GRIK2: variants seen among roughly 807,000 people sequenced by gnomAD.
GRIK2 encodes glutamate ionotropic receptor kainate type subunit 2.
A neutral mutation model predicts 100.3 loss-of-function variants in GRIK2; 32 were observed. The observed-to-expected ratio is 0.32, with a 90% CI of 0.24 to 0.43. GRIK2 has a LOEUF of 0.43. Among genes scored for constraint, GRIK2 ranks in the 20% least tolerant of loss-of-function variants. GRIK2 has a pLI of 1.00. For missense variants in GRIK2, 843 were observed against 1,114.9 expected, an observed-to-expected ratio of 0.76 and a Z score of 3.47; for synonymous variants, 417 against 389.4, an observed-to-expected ratio of 1.07 and a Z score of -0.83.
intron 2 of GRIK2, among the ~76,000 whole-genome samples, chr6:101,604,288 ATATAT>A (rs968164825): frequency 4.3e-4 from 66 of 151,874 alleles, no homozygotes; most frequent in African/African-American, 1.5e-3. Flanking sequence ...ATAACATATA[ATATAT>A]AATTACAACA....
At chr6:101,552,391 G>T (rs1776552157) in intron 2 of GRIK2, among the ~76,000 whole-genome samples, 1 of 152,082 alleles carries the variant, frequency 6.6e-6, no homozygotes, top group South Asian at 2.1e-4. Flanking sequence ...TTTTCCAGCT[G>T]GTAGTATCTT....
intron 12 of GRIK2, among the ~76,000 whole-genome samples, chr6:101,893,687 T>G (rs984030122): frequency 4.6e-5 from 7 of 151,760 alleles, no homozygotes; most frequent in Non-Finnish European, 7.4e-5. Context: ...GAGCCTCTAG[T>G]AAGCACTAAT....
At position 101,709,213 on chromosome 6, in the gene GRIK2, A is replaced by C. The variant is rs1055183002; in HGVS notation, c.951+22860A>C. Among the ~76,000 whole-genome samples, 22 of 151,896 alleles carry C rather than the reference A, an allele frequency of 1.4e-4. No individual in the cohort carries two copies. In the East Asian group the frequency reaches 4.3e-3, roughly 30 times the overall value. On this transcript the variant is annotated intron_variant, in intron 7 of 16. Transcript: ENST00000369134. ...GCAAGCCAATGAGTAGTAGCTGGCAAAACACCAGAAACTATGAGAAAGATA... is the reference window on the plus strand; with the variant it reads ...GCAAGCCAATGAGTAGTAGCTGGCACAACACCAGAAACTATGAGAAAGATA...
chr6:101,422,444 T>G (rs975580699), intron 2 of GRIK2, among the ~76,000 whole-genome samples: 2 of 152,102 alleles, frequency 1.3e-5, no homozygotes, highest in Non-Finnish European at 2.9e-5. Flanking sequence ...ATTACAGCAC[T>G]TAACAAAGGC....
chr6:102,057,378 A>G (rs1425379566), intron 16 of GRIK2, among the ~76,000 whole-genome samples: 1 of 152,034 alleles, frequency 6.6e-6, no homozygotes, highest in Non-Finnish European at 1.5e-5. Flanking sequence ...GTATCTGGTT[A>G]AAACAAAAAC....
chr6:101,995,588 C>G (rs752199867), intron 14 of GRIK2, among the ~76,000 whole-genome samples: 3 of 151,840 alleles, frequency 2.0e-5, no homozygotes, highest in Non-Finnish European at 2.9e-5. Context: ...CAAAATAGAT[C>G]ATTATTCTTC....
At chr6:101,737,916 A>G (rs1562346380) in intron 7 of GRIK2, among the ~76,000 whole-genome samples, 1 of 152,190 alleles carries the variant, frequency 6.6e-6, no homozygotes, top group Non-Finnish European at 1.5e-5. Context: ...AACATTTTCA[A>G]TGTCAACAGG....
intron 10 of GRIK2, among the ~76,000 whole-genome samples, chr6:101,848,835 A>G (rs888621646): frequency 4.6e-5 from 7 of 152,200 alleles, no homozygotes; most frequent in African/African-American, 1.4e-4. Flanking sequence ...AGTGTTGCTT[A>G]TTAGAGTAAT....
At chr6:101,773,054 G>T (rs576959521) in intron 7 of GRIK2, among the ~76,000 whole-genome samples, 4 of 152,252 alleles carry the variant, frequency 2.6e-5, no homozygotes, top group Non-Finnish European at 4.4e-5. Context: ...CAATGAGAAA[G>T]TGTATGTTCA....
Position 102,035,519 on chromosome 6 carries a change from T to C in GRIK2, c.2264T>C (p.Ile755Thr), listed in dbSNP as rs750688652. ...VTQRNCNLTQIGGLIDSKGYG... is the reference protein window; with the variant it reads ...VTQRNCNLTQTGGLIDSKGYG... Reference sequence around the variant, plus strand: ...CAGCGGAACTGTAACCTGACACAGATTGGCGGCCTTATAGACTCTAAAGGT... The same window carrying C: ...CAGCGGAACTGTAACCTGACACAGACTGGCGGCCTTATAGACTCTAAAGGT... Residue 755 changes from isoleucine (I) to threonine (T), a missense_variant, in exon 15 of 17, where the codon ATT becomes ACT. By Grantham distance (89) the Ile-to-Thr change is moderately conservative. Around this residue, in one of 3 missense-constraint regions of GRIK2, gnomAD observed 237 missense variants for 388.0 expected, o/e 0.61. Coordinates refer to ENST00000369134, the MANE Select transcript of GRIK2 (RefSeq NM_021956.5). 3.7e-6 allele frequency: 6 copies of C among 1,609,656 alleles called. No individual in the cohort carries two copies. In the Admixed American group the frequency reaches 6.7e-5, roughly 18 times the overall value.
chr6:101,896,940 C>A (rs2128460003), intron 12 of GRIK2, among the ~76,000 whole-genome samples: 1 of 151,280 alleles, frequency 6.6e-6, no homozygotes, highest in East Asian at 1.9e-4. Flanking sequence ...ATATTTGCTA[C>A]CAAAAAATGG....
chr6:101,583,235 ATAAT>A (rs1177114874), intron 2 of GRIK2, among the ~76,000 whole-genome samples: 1 of 152,122 alleles, frequency 6.6e-6, no homozygotes, highest in Non-Finnish European at 1.5e-5. Context: ...TGGTGGAGGG[ATAAT>A]TAGTCAAAAA....
intron 2 of GRIK2, among the ~76,000 whole-genome samples, chr6:101,531,828 A>G (rs1323733387): frequency 6.6e-6 from 1 of 151,538 alleles, no homozygotes; most frequent in Non-Finnish European, 1.5e-5. Context: ...GTTCTATCAG[A>G]TTTACTTCCT....
At chr6:101,511,322 T>C (rs1354791232) in intron 2 of GRIK2, among the ~76,000 whole-genome samples, 6 of 152,174 alleles carry the variant, frequency 3.9e-5, no homozygotes, top group African/African-American at 1.4e-4. Context: ...TGGTCTTGGC[T>C]TCCTTGTTCC....
intron 2 of GRIK2, among the ~76,000 whole-genome samples, chr6:101,601,335 C>T (rs1469955237): frequency 6.6e-6 from 1 of 151,782 alleles, no homozygotes; most frequent in African/African-American, 2.4e-5. Flanking sequence ...ATTCAGTTTG[C>T]TAGTATTTTG....
chr6:101,887,678 G>A (rs1010641268), intron 11 of GRIK2, among the ~76,000 whole-genome samples: 7 of 152,070 alleles, frequency 4.6e-5, no homozygotes, highest in Non-Finnish European at 1.5e-5. Context: ...CAATCCTGGC[G>A]GAAGGAGAGG....
At position 101,440,825 on chromosome 6, in the gene GRIK2, G is replaced by A. The variant is rs191254168; in HGVS notation, c.115+41433G>A. On this transcript the variant is annotated intron_variant, in intron 2 of 16. Transcript: ENST00000369134. ...TGCGCCCTTCCTCCTAAATACGCAA[G>A]GGCCTTTAGGACCAAAAACTCCTCA... Among the ~76,000 whole-genome samples, 172 of 151,988 alleles carry A rather than the reference G, an allele frequency of 1.1e-3. 1 individual carries two copies. Among genetic ancestry groups the A allele is most frequent in the African/African-American group, 3.9e-3 (161 of 41,462 alleles).
chr6:101,596,378 G>T (rs1286174275), intron 2 of GRIK2, among the ~76,000 whole-genome samples: 2 of 151,458 alleles, frequency 1.3e-5, no homozygotes, highest in African/African-American at 2.4e-5. Context: ...AGAAGTATCA[G>T]TTGTTTTTTC....
At chr6:101,792,241 C>T (rs963244993) in intron 7 of GRIK2, among the ~76,000 whole-genome samples, 5 of 151,240 alleles carry the variant, frequency 3.3e-5, no homozygotes, top group Admixed American at 2.0e-4. Context: ...TGAATTTGAT[C>T]CTGTCATTAT....
Sources: gnomAD v4.1 joint callset for allele counts (sites outside exome capture counted in the v4.1 genomes callset) on GRCh38, gnomAD v4.1.1 for gene constraint, gnomAD v4.1.1 regional missense constraint, MANE v1.5 for transcripts, NCBI Gene and HGNC (gene_info 2026-07-23, HGNC 2026-07-21) for gene names.